The following DNER variants were observed in gnomAD, a reference collection of about 807,000 sequenced individuals.
DNER encodes the protein delta and Notch-like epidermal growth factor-related receptor.
Under a neutral mutation model 78.2 loss-of-function variants are expected in DNER, and 33 were observed. The ratio of observed to expected loss-of-function variants is 0.42; its 90% CI spans 0.32 to 0.56. The LOEUF (loss-of-function observed/expected upper bound fraction) is 0.56. Ranked by LOEUF, DNER falls within the 20% of genes least tolerant of loss-of-function variation. The probability of loss-of-function intolerance (pLI) is 0.11; values close to 1 mark genes in which losing one functional copy is unlikely to be tolerated. For synonymous variants in DNER, 417 were observed against 384.8 expected (o/e 1.08, Z -0.98); for missense variants, 918 against 975.3 (o/e 0.94, Z 0.78).
intron 11 of DNER, among the ~76,000 whole-genome samples, chr2:229,372,617 G>A (rs2106328700): frequency 6.6e-6 from 1 of 152,308 alleles, no homozygotes; most frequent in Non-Finnish European, 1.5e-5. Context: ...TAGGAGCTTG[G>A]CACAGTCAGT....
chr2:229,699,259 G>A (rs1699707834), intron 1 of DNER, among the ~76,000 whole-genome samples: 1 of 152,176 alleles, frequency 6.6e-6, no homozygotes, highest in Non-Finnish European at 1.5e-5. Context: ...CAGTGTTCCA[G>A]CCTCAATAAA....
chr2:229,615,072 C>T (rs115152853), intron 1 of DNER, among the ~76,000 whole-genome samples: 1,626 of 152,244 alleles, frequency 0.011, 23 homozygotes, highest in African/African-American at 0.037. Context: ...CACCTCCCCA[C>T]CCCCACTCAA....
intron 6 of DNER, among the ~76,000 whole-genome samples, chr2:229,491,365 G>A (rs1302167026): frequency 6.6e-6 from 1 of 152,134 alleles, no homozygotes; most frequent in Non-Finnish European, 1.5e-5. Flanking sequence ...AGCTCTCTGG[G>A]CCCTCTTTCA....
chr2:229,562,959 C>A (rs1216266379), intron 4 of DNER, among the ~76,000 whole-genome samples: 1 of 151,498 alleles, frequency 6.6e-6, no homozygotes, highest in African/African-American at 2.4e-5. Flanking sequence ...ATCCCACCAC[C>A]ATCATCATCA....
intron 5 of DNER, among the ~76,000 whole-genome samples, chr2:229,516,741 T>A (rs1233522235): frequency 6.9e-6 from 1 of 143,974 alleles, no homozygotes; most frequent in Non-Finnish European, 1.5e-5. Flanking sequence ...GCTATGATCA[T>A]GCCACTGCAC....
intron 6 of DNER, among the ~76,000 whole-genome samples, chr2:229,509,385 C>T (rs149156864): frequency 6.6e-6 from 1 of 152,354 alleles, no homozygotes; most frequent in Non-Finnish European, 1.5e-5. Flanking sequence ...CATCTGTCTA[C>T]ATTTATACTC....
intron 4 of DNER, among the ~76,000 whole-genome samples, chr2:229,548,057 G>C (rs1044711636): frequency 2.0e-5 from 3 of 152,116 alleles, no homozygotes; most frequent in African/African-American, 7.2e-5. Context: ...TCTGTCAAGA[G>C]TAAAAGTTAA....
intron 5 of DNER, among the ~76,000 whole-genome samples, chr2:229,530,678 T>A (rs752361688): frequency 3.3e-5 from 5 of 152,244 alleles, no homozygotes; most frequent in Non-Finnish European, 5.9e-5. Context: ...AGTTTCTCTA[T>A]CCCTTATTGA....
intron 1 of DNER, among the ~76,000 whole-genome samples, chr2:229,636,463 A>G (rs564034631): frequency 6.6e-6 from 1 of 152,336 alleles, no homozygotes; most frequent in South Asian, 2.1e-4. Context: ...GGAGGGAAAG[A>G]CAGAGTGCAT....
chr2:229,378,816 C>G (rs1295579606), intron 11 of DNER, among the ~76,000 whole-genome samples: 1 of 152,106 alleles, frequency 6.6e-6, no homozygotes, highest in Non-Finnish European at 1.5e-5. Context: ...ACCAAATGTA[C>G]GAATTCTGTG....
chr2:229,381,742 T>G (rs954513105), intron 11 of DNER, among the ~76,000 whole-genome samples: 3 of 152,198 alleles, frequency 2.0e-5, no homozygotes, highest in African/African-American at 4.8e-5. Flanking sequence ...CTCCTCTCTG[T>G]GCAGGGCATT....
chr2:229,458,161 A>AAAG (rs1694616143), intron 7 of DNER, among the ~76,000 whole-genome samples: 1 of 145,074 alleles, frequency 6.9e-6, no homozygotes, highest in Non-Finnish European at 1.5e-5. Flanking sequence ...AAAAAAAAAA[A>AAAG]GGAAAGTAAA....
chr2:229,603,326 T>G (rs976466202), intron 1 of DNER, among the ~76,000 whole-genome samples: 1 of 152,198 alleles, frequency 6.6e-6, no homozygotes, highest in South Asian at 2.1e-4. Context: ...GACGAGTTAA[T>G]GGGTGCAGCA....
chr2:229,363,980 C>A (rs945043918), intron 12 of DNER, among the ~76,000 whole-genome samples: 8 of 135,176 alleles, frequency 5.9e-5, no homozygotes, highest in South Asian at 2.5e-4. Flanking sequence ...CTTGTCAATT[C>A]TCTGCTTTTT....
At chr2:229,545,121 A>G (rs771492124) in intron 5 of DNER, among the ~76,000 whole-genome samples, 11 of 152,226 alleles carry the variant, frequency 7.2e-5, no homozygotes, top group Non-Finnish European at 1.3e-4. Context: ...AAATATGTGT[A>G]TAACTAGAGA....
At chr2:229,592,667 T>C (rs2052299) in intron 1 of DNER, among the ~76,000 whole-genome samples, 117,209 of 151,964 alleles carry the variant, frequency 0.77, 47,164 homozygotes, top group Non-Finnish European at 0.89. Context: ...AATGGCCATG[T>C]GTTGGTAGTT....
At chr2:229,705,636 G>A (rs901970073) in intron 1 of DNER, among the ~76,000 whole-genome samples, 1 of 152,120 alleles carries the variant, frequency 6.6e-6, no homozygotes. Context: ...CCATGCCTGG[G>A]CTCAGATCCC....
At chr2:229,363,698 T>C (rs1049889216) in intron 12 of DNER, among the ~76,000 whole-genome samples, 1 of 152,252 alleles carries the variant, frequency 6.6e-6, no homozygotes, top group Admixed American at 6.5e-5. Context: ...AGTTTATTCT[T>C]TCCTTCCAAG....
rs1391694456 is a variant in DNER, at chr2:229,591,736, G to A, written c.429C>T (p.Gly143=). Residue 143 remains glycine, a synonymous_variant, in exon 2 of 13, where the codon GGC becomes GGT. Coordinates refer to ENST00000341772, the MANE Select transcript of DNER (RefSeq NM_139072.4). This position sits in a 1 kb window ranked among gnomAD's most constrained non-coding sequence, Gnocchi z 4.6. ...EQALPSLPAT[G]WTESMAPRQL... is the part of the protein sequence containing the mutation. ...GTCGGGGTGCCATGGATTCGGTCCA[G>A]CCAGTGGCTGGGAGACTGGGAAGTG... 1.2e-6 allele frequency: 2 copies of A among 1,614,206 alleles called. No homozygotes were observed. Among genetic ancestry groups the A allele is most frequent in the Admixed American group, 1.7e-5 (1 of 60,032 alleles).
Sources: gnomAD v4.1 joint callset for allele counts (sites outside exome capture counted in the v4.1 genomes callset) on GRCh38, gnomAD v4.1.1 for gene constraint, Gnocchi (gnomAD v3.1) non-coding constraint, MANE v1.5 for transcripts, NCBI Gene and HGNC (gene_info 2026-07-23, HGNC 2026-07-21) for gene names.